SYT14: variants seen among roughly 807,000 people sequenced by gnomAD.
SYT14 encodes the protein synaptotagmin-14.
In SYT14, 32 loss-of-function variants were observed where a neutral mutation model predicts 74.2. The observed-to-expected ratio is 0.43, with a 90% confidence interval of 0.33 to 0.58. SYT14 has a LOEUF of 0.58. Among genes scored for constraint, SYT14 ranks in the 20% least tolerant of loss-of-function variants. The pLI is 0.05. For missense variants in SYT14, 791 were observed against 981.8 expected (o/e 0.81, Z 2.60); for synonymous variants, 298 against 337.7 (o/e 0.88, Z 1.29).
Position 210,074,932 on chromosome 1 carries a change from G to A in SYT14, c.1313-19390G>A, listed in dbSNP as rs558730490. Reference sequence around the variant, plus strand: ...AGCTCAATTAGACCCCTGCCTTATCGCAAGGACAGAGAGCTTTCTGTATCC... The same window carrying A: ...AGCTCAATTAGACCCCTGCCTTATCACAAGGACAGAGAGCTTTCTGTATCC... On this transcript the variant is annotated intron_variant, in intron 5 of 9. Transcript: ENST00000637265. Among the ~76,000 whole-genome samples, 5 of 152,286 alleles carry A rather than the reference G, an allele frequency of 3.3e-5. No individual in the cohort carries two copies. In the East Asian group the frequency reaches 5.8e-4, roughly 18 times the overall value.
chr1:210,046,348 T>TG (rs1396402640), intron 5 of SYT14, among the ~76,000 whole-genome samples: 1 of 152,220 alleles, frequency 6.6e-6, no homozygotes, highest in African/African-American at 2.4e-5. Flanking sequence ...CACTTCAACC[T>TG]GGGTGACAAA....
At chr1:210,089,116 G>A (rs1010634877) in intron 5 of SYT14, among the ~76,000 whole-genome samples, 51 of 152,124 alleles carry the variant, frequency 3.4e-4, no homozygotes, top group African/African-American at 1.1e-3. Context: ...ACTTATGAGT[G>A]AGAACATGTG....
chr1:210,050,940 T>G (rs1487309924), intron 5 of SYT14, among the ~76,000 whole-genome samples: 1 of 152,218 alleles, frequency 6.6e-6, no homozygotes, highest in Admixed American at 6.5e-5. Flanking sequence ...CTTGAGTCCT[T>G]TCTTCCTTTT....
At chr1:210,152,727 T>TCTCCCACC (rs965498617) in intron 7 of SYT14, among the ~76,000 whole-genome samples, 1 of 152,158 alleles carries the variant, frequency 6.6e-6, no homozygotes, top group Non-Finnish European at 1.5e-5. Flanking sequence ...ACTGTTCTTC[T>TCTCCCACC]CTCCCACCTC....
exon 10 of SYT14, chr1:210,169,317 T>G (rs2083497224): frequency 6.7e-6 from 1 of 149,432 alleles, no homozygotes; most frequent in Non-Finnish European, 1.5e-5. Context: ...GGGAAGTCTT[T>G]TTGGATAAAT....
At chr1:210,109,044 G>GT (rs1178200297) in intron 7 of SYT14, among the ~76,000 whole-genome samples, 1 of 151,246 alleles carries the variant, frequency 6.6e-6, no homozygotes, top group African/African-American at 2.4e-5. Context: ...GGACACTGAA[G>GT]TTACAAAAGA....
At chr1:210,143,516 AT>A (rs1306730880) in intron 7 of SYT14, among the ~76,000 whole-genome samples, 8 of 152,006 alleles carry the variant, frequency 5.3e-5, no homozygotes, top group Non-Finnish European at 8.8e-5. Context: ...ATCTTGAAAA[AT>A]GTCATATATT....
At chr1:210,119,311 T>A (rs2082415105) in intron 7 of SYT14, among the ~76,000 whole-genome samples, 2 of 152,158 alleles carry the variant, frequency 1.3e-5, no homozygotes, top group South Asian at 4.1e-4. Flanking sequence ...AAATACTAAT[T>A]GCAAAAATGT....
intron 1 of SYT14, among the ~76,000 whole-genome samples, chr1:209,943,581 A>G (rs2078773520): frequency 6.6e-6 from 1 of 151,732 alleles, no homozygotes; most frequent in African/African-American, 2.4e-5. Context: ...AGAGAGAACC[A>G]TATACTGGCT....
At chr1:210,129,587 T>C (rs1210813867) in intron 7 of SYT14, among the ~76,000 whole-genome samples, 1 of 152,200 alleles carries the variant, frequency 6.6e-6, no homozygotes, top group African/African-American at 2.4e-5. Context: ...TACTGTAATA[T>C]TTATTTAAAC....
chr1:210,016,498 T>C, exon 4 of SYT14: 4 of 1,232,080 alleles, frequency 3.2e-6, no homozygotes, highest in Non-Finnish European at 4.0e-6. Flanking sequence ...GATCTATTTG[T>C]CAAGAACTTG....
chr1:210,008,369 T>C (rs1002658467), intron 2 of SYT14, among the ~76,000 whole-genome samples: 6 of 151,886 alleles, frequency 4.0e-5, no homozygotes, highest in Non-Finnish European at 5.9e-5. Flanking sequence ...AAATAGAATT[T>C]TTTTTTTTCT....
intron 7 of SYT14, among the ~76,000 whole-genome samples, chr1:210,151,625 A>G (rs116704546): frequency 6.6e-6 from 1 of 151,486 alleles, no homozygotes; most frequent in African/African-American, 2.4e-5. Context: ...TTGAATTGAC[A>G]GTTACACTAA....
At chr1:210,070,901 T>C (rs902645827) in intron 5 of SYT14, among the ~76,000 whole-genome samples, 10 of 138,972 alleles carry the variant, frequency 7.2e-5, no homozygotes, top group African/African-American at 2.7e-4. Context: ...ACAAAGATAG[T>C]TGGGTATAAT....
intron 2 of SYT14, among the ~76,000 whole-genome samples, chr1:209,998,404 C>T (rs2079835954): frequency 6.6e-6 from 1 of 151,778 alleles, no homozygotes; most frequent in Non-Finnish European, 1.5e-5. Context: ...CAGTGCAATC[C>T]CTGTCAGAAT....
At chr1:210,126,595 G>T (rs1478484526) in intron 7 of SYT14, among the ~76,000 whole-genome samples, 1 of 152,136 alleles carries the variant, frequency 6.6e-6, no homozygotes, top group African/African-American at 2.4e-5. Context: ...TTTATTAGAT[G>T]TGAAAATCTT....
At chr1:209,995,175 C>G (rs1279468625) in intron 2 of SYT14, among the ~76,000 whole-genome samples, 1 of 152,050 alleles carries the variant, frequency 6.6e-6, no homozygotes, top group African/African-American at 2.4e-5. Flanking sequence ...CACTAAAACC[C>G]CACTTAAAAG....
At chr1:210,089,084 GT>G (rs1180473459) in intron 5 of SYT14, among the ~76,000 whole-genome samples, 8 of 151,988 alleles carry the variant, frequency 5.3e-5, no homozygotes, top group Admixed American at 5.2e-4. Flanking sequence ...CTGTGTCCAT[GT>G]GTTCTCATTG....
intron 2 of SYT14, among the ~76,000 whole-genome samples, chr1:209,968,496 G>A (rs954141758): frequency 6.6e-6 from 1 of 151,662 alleles, no homozygotes; most frequent in African/African-American, 2.4e-5. Flanking sequence ...TTCATCATAT[G>A]GAGTAGTTTC....
Sources: allele counts gnomAD v4.1 joint callset (sites outside exome capture counted in the v4.1 genomes callset), GRCh38; gene constraint gnomAD v4.1.1; transcripts MANE v1.5; gene names NCBI Gene and HGNC (gene_info 2026-07-23, HGNC 2026-07-21).